AKIRIN2: variants seen among roughly 807,000 people sequenced by gnomAD.
AKIRIN2 encodes akirin 2, also known as akirin-2.
In AKIRIN2, 6 loss-of-function variants were observed where a neutral mutation model predicts 29.3. The observed-to-expected ratio is 0.20, with a 90% CI of 0.11 to 0.40. The LOEUF (loss-of-function observed/expected upper bound fraction) is 0.40. Among genes scored for constraint, AKIRIN2 ranks in the 10% least tolerant of loss-of-function variants. The pLI is 1.00. For missense variants in AKIRIN2, 210 were observed against 276.1 expected (o/e 0.76, Z 1.70); for synonymous variants, 128 against 117.5 (o/e 1.09, Z -0.58).
intron 1 of AKIRIN2, among the ~76,000 whole-genome samples, chr6:87,694,470 T>C (rs1771328035): frequency 6.6e-6 from 1 of 152,222 alleles, no homozygotes; most frequent in African/African-American, 2.4e-5. Flanking sequence ...TACTCTTCTT[T>C]GCCTAGCCAG....
At chr6:87,695,560 C>T (rs952736810) in intron 1 of AKIRIN2, among the ~76,000 whole-genome samples, 1 of 152,136 alleles carries the variant, frequency 6.6e-6, no homozygotes, top group Non-Finnish European at 1.5e-5. Context: ...ATATAGAGAA[C>T]GTTCTTTGAA....
intron 2 of AKIRIN2, among the ~76,000 whole-genome samples, chr6:87,679,952 C>T (rs1339053645): frequency 1.3e-5 from 2 of 152,238 alleles, no homozygotes; most frequent in Non-Finnish European, 2.9e-5. Context: ...TTATAACCTG[C>T]ATGGCAGGAG....
chr6:87,689,809 T>G (rs945284926), intron 1 of AKIRIN2, among the ~76,000 whole-genome samples: 1 of 152,202 alleles, frequency 6.6e-6, no homozygotes, highest in African/African-American at 2.4e-5. Context: ...CCTTATGAGG[T>G]GATGCTGCCG....
chr6:87,675,375 A>G lies in AKIRIN2; in HGVS notation c.*222T>C, dbSNP rs1460928137. 7.1e-6 allele frequency: 4 copies of G among 567,262 alleles called. No homozygotes were observed. The highest frequency in any genetic ancestry group is 1.3e-5 in the Non-Finnish European group (4 of 315,668). The allele number at this position is 567,262 out of a possible 1,614,324, so 35.1% of individuals were successfully genotyped here. On this transcript the variant is annotated 3_prime_UTR_variant, in exon 5 of 5. Coordinates refer to ENST00000257787, the MANE Select transcript of AKIRIN2 (RefSeq NM_018064.4). ...TGTAATGATACAGCAAAATGAGGCC[A>G]CTGGTATTAATACAGGTAGCAAAGG...
At chr6:87,697,760 G>T (rs2128303041) in intron 1 of AKIRIN2, among the ~76,000 whole-genome samples, 1 of 152,238 alleles carries the variant, frequency 6.6e-6, no homozygotes, top group East Asian at 1.9e-4. Flanking sequence ...CATTTTTAAT[G>T]GCAAGTTTCC....
rs1562402785 is a variant in AKIRIN2, at chr6:87,701,912, G to T, written c.-228C>A. 2 of 413,348 alleles carry T rather than the reference G, an allele frequency of 4.8e-6. No individual in the cohort carries two copies. Among genetic ancestry groups the T allele is most frequent in the Non-Finnish European group, 4.3e-6 (1 of 234,360 alleles). 25.6% of individuals were successfully genotyped at this position (413,348 alleles called of 1,614,324 possible). Reference sequence around the variant, plus strand: ...GGCCCGGGTGAGAGCGGGAGGGGCGGTGGCGGGCAGAAGCACACGCCAGTC... The same window carrying T: ...GGCCCGGGTGAGAGCGGGAGGGGCGTTGGCGGGCAGAAGCACACGCCAGTC... On this transcript the variant is annotated 5_prime_UTR_variant, in exon 1 of 5. Transcript: ENST00000257787.
At chr6:87,675,691 CT>C (rs1433315620) in intron 4 of AKIRIN2, 84 bp from the exon 5 acceptor site, 2 of 1,566,440 alleles carry the variant, frequency 1.3e-6, no homozygotes, top group East Asian at 4.6e-5. Context: ...AATTTTGCCC[CT>C]AGGTATTTAA....
intron 2 of AKIRIN2, among the ~76,000 whole-genome samples, chr6:87,680,763 G>GC (rs1208134700): frequency 6.7e-5 from 2 of 29,640 alleles, no homozygotes; most frequent in East Asian, 2.1e-3. Context: ...CTTATTCCCC[G>GC]CCCCCCCCCT....
At chr6:87,678,203 T>TAAAAA (rs1207778769) in intron 2 of AKIRIN2, among the ~76,000 whole-genome samples, 4 of 151,334 alleles carry the variant, frequency 2.6e-5, no homozygotes, top group Non-Finnish European at 5.9e-5. Context: ...TAAAGGTGAG[T>TAAAAA]AGAAAAAACT....
In AKIRIN2 at chr6:87,701,953, T is replaced by C. The variant is rs568586108; in HGVS notation, c.-269A>G. On this transcript the variant is annotated 5_prime_UTR_variant, in exon 1 of 5. Coordinates refer to ENST00000257787, the MANE Select transcript of AKIRIN2 (RefSeq NM_018064.4). ...CACGCCAGTCGCGTCAGGGGGGTTC[T>C]TCCGCCTCCTCAGGCGCGGCTCCCC... The C allele has an allele frequency of 8.7e-4, 350 of 403,454 alleles. 3 individuals are homozygous for C. Among genetic ancestry groups the C allele is most frequent in the African/African-American group, 6.7e-3 (329 of 48,748 alleles). The allele number at this position is 403,454 out of a possible 1,614,324, so 25.0% of individuals were successfully genotyped here.
intron 3 of AKIRIN2, among the ~76,000 whole-genome samples, chr6:87,676,271 T>C (rs868050778): frequency 3.3e-4 from 49 of 150,380 alleles, no homozygotes; most frequent in South Asian, 1.1e-3. Context: ...GAGACCATCC[T>C]GGCTAACACG....
chr6:87,701,829 T>A lies in AKIRIN2; in HGVS notation c.-145A>T, dbSNP rs1771472985. On this transcript the variant is annotated 5_prime_UTR_variant, in exon 1 of 5. Coordinates refer to ENST00000257787, the MANE Select transcript of AKIRIN2 (RefSeq NM_018064.4). ...GCCAAGCGGGTCGCGGAGCGCCGGC[T>A]GTGGAAAGGAGAGCCGCTGCCGCCG... The A allele has an allele frequency of 1.9e-6, 1 of 537,116 alleles. No homozygotes were observed. Among genetic ancestry groups the A allele is most frequent in the Non-Finnish European group, 3.0e-6 (1 of 335,412 alleles). 33.3% of individuals were successfully genotyped at this position (537,116 alleles called of 1,614,324 possible). A position where few individuals can be genotyped will look rare whatever the true frequency, so the allele number is the denominator to read the frequency against.
chr6:87,684,037 T>C (rs900153921), intron 1 of AKIRIN2, among the ~76,000 whole-genome samples: 1 of 152,190 alleles, frequency 6.6e-6, no homozygotes, highest in East Asian at 1.9e-4. Context: ...AAAAGTGCCA[T>C]TCAAAACATC....
intron 3 of AKIRIN2, among the ~76,000 whole-genome samples, chr6:87,676,735 G>C (rs1186970878): frequency 6.6e-6 from 1 of 151,226 alleles, no homozygotes; most frequent in African/African-American, 2.4e-5. Flanking sequence ...AGCCAAGATC[G>C]TGCCACTGCA....
rs1448105540 is a variant in AKIRIN2 at position 87,702,160 on chromosome 6, A to G, written c.-476T>C. 2 of 398,618 alleles carry G rather than the reference A, an allele frequency of 5.0e-6. No homozygotes were observed. Among genetic ancestry groups the G allele is most frequent in the East Asian group, 3.6e-5 (1 of 28,064 alleles). 24.7% of individuals were successfully genotyped at this position (398,618 alleles called of 1,614,324 possible). A position where few individuals can be genotyped will look rare whatever the true frequency, so the allele number is the denominator to read the frequency against. Reference sequence around the variant, plus strand: ...CTTGCGAGCGGCGATCGATGCAGAGAGATTGCGAGGTAGCTGCCGCAGCAG... The same window carrying G: ...CTTGCGAGCGGCGATCGATGCAGAGGGATTGCGAGGTAGCTGCCGCAGCAG... On this transcript the variant is annotated 5_prime_UTR_variant, in exon 1 of 5. Transcript: ENST00000257787.
intron 2 of AKIRIN2, among the ~76,000 whole-genome samples, chr6:87,678,703 GA>G (rs2128300935): frequency 6.6e-6 from 1 of 151,996 alleles, no homozygotes; most frequent in East Asian, 1.9e-4. Flanking sequence ...TTTAGTCCCA[GA>G]ATAACAAATC....
chr6:87,675,665 C>G, intron 4 of AKIRIN2, 58 bp from the exon 5 acceptor site: 1 of 1,600,348 alleles, frequency 6.2e-7, no homozygotes, highest in Non-Finnish European at 8.5e-7. Context: ...CAAACGAATA[C>G]TAGATCTTGA....
chr6:87,681,182 C>T (rs571107056), intron 2 of AKIRIN2, among the ~76,000 whole-genome samples: 1 of 152,248 alleles, frequency 6.6e-6, no homozygotes, highest in African/African-American at 2.4e-5. Flanking sequence ...GGACTACAGG[C>T]GCGTGCCACC....
intron 1 of AKIRIN2, among the ~76,000 whole-genome samples, chr6:87,692,951 G>A (rs1279537103): frequency 1.3e-5 from 2 of 152,148 alleles, no homozygotes; most frequent in Admixed American, 6.5e-5. Flanking sequence ...ATAACTGGTC[G>A]GGCGCAGTGG....
Sources: gnomAD v4.1 joint callset for allele counts (sites outside exome capture counted in the v4.1 genomes callset) on GRCh38, gnomAD v4.1.1 for gene constraint, MANE v1.5 for transcripts, NCBI Gene and HGNC (gene_info 2026-07-23, HGNC 2026-07-21) for gene names.